Variants in UNC13B observed in about 807,000 individuals in gnomAD.
The protein encoded by UNC13B is protein unc-13 homolog B.
UNC13B carries 144 observed loss-of-function variants against 211.0 expected under a neutral mutation model. That is an observed-to-expected ratio of 0.68 (90% confidence interval 0.60 to 0.78). UNC13B has a LOEUF of 0.78. Ranked by LOEUF, UNC13B falls within the 30% of genes least tolerant of loss-of-function variation. The pLI is 0.00. For synonymous variants in UNC13B, 709 were observed against 725.8 expected (o/e 0.98, Z 0.37); for missense variants, 1,777 against 2,002.0 (o/e 0.89, Z 2.14).
intron 1 of UNC13B, among the ~76,000 whole-genome samples, chr9:35,193,532 C>T (rs1358415228): frequency 6.6e-6 from 1 of 151,832 alleles, no homozygotes; most frequent in Non-Finnish European, 1.5e-5. Flanking sequence ...TCCACCTGTG[C>T]CTGTAATCCC....
At chr9:35,168,974 G>T (rs1007921115) in intron 1 of UNC13B, among the ~76,000 whole-genome samples, 1 of 152,062 alleles carries the variant, frequency 6.6e-6, no homozygotes, top group African/African-American at 2.4e-5. Flanking sequence ...GTGCCCGACT[G>T]CATTTTTAAA....
At chr9:35,364,647 ATGTGTG>A (rs34002086) in intron 11 of UNC13B, 4 of 1,356,794 alleles carry the variant, frequency 2.9e-6, no homozygotes, top group Non-Finnish European at 4.0e-6. Flanking sequence ...GTGTGTGTGT[ATGTGTG>A]TGTGTGTGTG....
chr9:35,162,361 C>G (rs1820825994), intron 1 of UNC13B, 56 bp downstream of exon 1: 8 of 1,488,826 alleles, frequency 5.4e-6, no homozygotes, highest in South Asian at 1.3e-5. Flanking sequence ...GTCCCCGCAC[C>G]CTTCCAGTGG....
intron 11 of UNC13B, chr9:35,351,723 A>T: frequency 8.1e-7 from 1 of 1,232,230 alleles, no homozygotes. Context: ...ATTGGTGGAG[A>T]TAGAGATGGG....
At chr9:35,347,780 A>G (rs1018386842) in intron 11 of UNC13B, among the ~76,000 whole-genome samples, 3 of 152,236 alleles carry the variant, frequency 2.0e-5, no homozygotes, top group East Asian at 1.9e-4. Flanking sequence ...TGTCAGTAAC[A>G]TGGGGAACCA....
intron 6 of UNC13B, among the ~76,000 whole-genome samples, chr9:35,251,124 G>A (rs1324280378): frequency 1.3e-5 from 2 of 151,768 alleles, no homozygotes; most frequent in East Asian, 1.9e-4. Flanking sequence ...CACCGCACCC[G>A]GCTAATTTTT....
At chr9:35,385,044 A>C (rs1003437763) in intron 22 of UNC13B, 1 of 985,334 alleles carries the variant, frequency 1.0e-6, no homozygotes, top group African/African-American at 1.7e-5. Flanking sequence ...AGCTGACTGT[A>C]TATCTTATAT....
chr9:35,371,651 G>T, intron 13 of UNC13B, among the ~76,000 whole-genome samples: 1 of 150,184 alleles, frequency 6.7e-6, no homozygotes, highest in Middle Eastern at 3.2e-3. Context: ...CTCACTGTTT[G>T]CCCATGAGCA....
At chr9:35,291,171 A>G in intron 7 of UNC13B, 2 of 1,450,724 alleles carry the variant, frequency 1.4e-6, no homozygotes, top group South Asian at 2.5e-5. Context: ...CTCCCTCTGA[A>G]CTGTGAAGCT....
At chr9:35,205,728 A>G (rs927845045) in intron 1 of UNC13B, among the ~76,000 whole-genome samples, 2 of 152,332 alleles carry the variant, frequency 1.3e-5, no homozygotes, top group Admixed American at 6.5e-5. Context: ...GTATCAGTAC[A>G]TTGTTCCTTT....
At chr9:35,257,368 T>TTTAAAA (rs1826965146) in intron 6 of UNC13B, among the ~76,000 whole-genome samples, 1 of 2,948 alleles carries the variant, frequency 3.4e-4, no homozygotes, top group South Asian at 0.038. Context: ...TATAAATATT[T>TTTAAAA]ATAAAATATT....
chr9:35,385,590 A>G (rs1587745640), intron 22 of UNC13B, 134 bp from the exon 23 acceptor site: 1 of 1,419,510 alleles, frequency 7.0e-7, no homozygotes, highest in Non-Finnish European at 9.3e-7. Context: ...GTAACTTTAC[A>G]GTGTTTTTGG....
chr9:35,396,399 A>G, intron 26 of UNC13B, 77 bp from the exon 27 acceptor site: 1 of 1,588,496 alleles, frequency 6.3e-7, no homozygotes, highest in Non-Finnish European at 8.6e-7. Flanking sequence ...GCCTGACCAG[A>G]TCTGCTGCCT....
chr9:35,255,583 C>T (rs953481803), intron 6 of UNC13B, among the ~76,000 whole-genome samples: 1 of 151,894 alleles, frequency 6.6e-6, no homozygotes, highest in African/African-American at 2.4e-5. Flanking sequence ...TTGGTTAGGT[C>T]GGAGATGGAA....
intron 1 of UNC13B, among the ~76,000 whole-genome samples, chr9:35,190,737 G>A (rs1822612527): frequency 6.6e-6 from 1 of 152,166 alleles, no homozygotes; most frequent in Non-Finnish European, 1.5e-5. Flanking sequence ...TCCAAGAAGA[G>A]AAAAACATAA....
intron 6 of UNC13B, among the ~76,000 whole-genome samples, chr9:35,250,008 A>G (rs1203438902): frequency 3.3e-5 from 5 of 152,094 alleles, no homozygotes; most frequent in Admixed American, 6.6e-5. Flanking sequence ...AAAGCTTACA[A>G]TTCGGTGGCT....
intron 35 of UNC13B, 92 bp downstream of exon 35, chr9:35,399,540 G>A (rs1836143704): frequency 3.7e-6 from 6 of 1,604,002 alleles, no homozygotes; most frequent in Non-Finnish European, 5.1e-6. Context: ...GAGCTTTGGA[G>A]ACTGAAGAGG....
intron 11 of UNC13B, 92 bp from the exon 12 acceptor site, chr9:35,366,855 C>A: frequency 9.1e-7 from 1 of 1,094,602 alleles, no homozygotes; most frequent in Non-Finnish European, 1.4e-6. Flanking sequence ...ACTTACACTG[C>A]TCTGGGCTTG....
chr9:35,178,189 A>C (rs966284264), intron 1 of UNC13B, among the ~76,000 whole-genome samples: 2 of 152,198 alleles, frequency 1.3e-5, no homozygotes, highest in African/African-American at 4.8e-5. Context: ...AGATTGTAAG[A>C]GGCATCATTA....
Sources: gnomAD v4.1 joint callset for allele counts (sites outside exome capture counted in the v4.1 genomes callset) on GRCh38, gnomAD v4.1.1 for gene constraint, MANE v1.5 for transcripts, NCBI Gene and HGNC (gene_info 2026-07-23, HGNC 2026-07-21) for gene names.